The following CDKN1A variants were observed in gnomAD, a reference collection of about 807,000 sequenced individuals.
CDKN1A encodes the protein cyclin-dependent kinase inhibitor 1.
A neutral mutation model predicts 14.8 loss-of-function variants in CDKN1A; 14 were observed. That is an observed-to-expected ratio of 0.94 (90% CI 0.62 to 1.48). CDKN1A has a LOEUF of 1.48. Ranked by LOEUF, CDKN1A falls within the 40% of genes most tolerant of loss-of-function variation. The pLI is 0.00. For missense variants in CDKN1A, 203 were observed against 231.7 expected (o/e 0.88, Z 0.80); for synonymous variants, 92 against 93.5 (o/e 0.98, Z 0.09).
Position 36,679,991 on chromosome 6 carries a change from G to A in CDKN1A, c.-6+1193G>A, listed in dbSNP as rs554921943. 7.2e-5 allele frequency among the ~76,000 whole-genome samples: 11 copies of A among 152,280 alleles called. 1 individual carries two copies. In the South Asian group the frequency reaches 2.1e-3, roughly 29 times the overall value. ...AGGGCTGAGCGGAGCAGGGGGGCGA[G>A]TCGCCCCCTGGGGCGCCGCCGCCTG... On this transcript the variant is annotated intron_variant, in intron 1 of 2. Coordinates refer to ENST00000244741, the MANE Select transcript of CDKN1A (RefSeq NM_000389.5).
chr6:36,681,318 T>TTCTA (rs1224751108), intron 1 of CDKN1A, among the ~76,000 whole-genome samples: 14 of 129,462 alleles, frequency 1.1e-4, no homozygotes, highest in African/African-American at 3.4e-4. Context: ...CTTTCTTTCT[T>TTCTA]TCTTTCTTTC....
Position 36,685,834 on chromosome 6 carries a change from C to G in CDKN1A, c.*34C>G, listed in dbSNP as rs1482370511. On this transcript the variant is annotated 3_prime_UTR_variant, in exon 3 of 3. Transcript: ENST00000244741. ...CAGGAAGCCTGCAGTCCTGGAAGCGCGAGGGCCTCAAAGGCCCGCTCTACA... is the reference window on the plus strand; with the variant it reads ...CAGGAAGCCTGCAGTCCTGGAAGCGGGAGGGCCTCAAAGGCCCGCTCTACA... 6.2e-7 allele frequency: 1 copy of G among 1,600,400 alleles called. No homozygotes were observed. Among genetic ancestry groups the G allele is most frequent in the East Asian group, 2.2e-5 (1 of 44,788 alleles).
In CDKN1A at chr6:36,684,608, A is replaced by G. The variant is rs1762140585; in HGVS notation, c.445+62A>G. 2.0e-6 allele frequency: 3 copies of G among 1,498,614 alleles called. No homozygotes were observed. The highest frequency in any genetic ancestry group is 2.8e-6 in the Non-Finnish European group (3 of 1,080,406). The allele number at this position is 1,498,614 out of a possible 1,614,324, so 92.8% of individuals were successfully genotyped here. On this transcript the variant is annotated intron_variant, in intron 2 of 2. Transcript: ENST00000244741. This position sits in a 1 kb window ranked among gnomAD's most constrained non-coding sequence, Gnocchi z 6.0. ...CAGGATTCTCAGAATCCATGGTCCA[A>G]GGGCTGACCTGTCTGGTCCTGGTCC...
intron 1 of CDKN1A, among the ~76,000 whole-genome samples, chr6:36,681,681 C>T (rs945167318): frequency 5.3e-5 from 8 of 150,336 alleles, no homozygotes; most frequent in African/African-American, 2.0e-4. Context: ...CAAGCTCCGC[C>T]TCCCGGGTTC....
chr6:36,679,731 T>A (rs1469036839), intron 1 of CDKN1A, among the ~76,000 whole-genome samples: 1 of 151,768 alleles, frequency 6.6e-6, no homozygotes, highest in Non-Finnish European at 1.5e-5. Flanking sequence ...AGGGCAAGGG[T>A]CTCCTCTACC....
intron 2 of CDKN1A, among the ~76,000 whole-genome samples, chr6:36,685,343 G>A (rs1044442315): frequency 2.6e-5 from 4 of 152,354 alleles, no homozygotes; most frequent in East Asian, 1.9e-4. Context: ...TAACTCTGCA[G>A]GGATGGGAGT....
chr6:36,678,904 G>C lies in CDKN1A; in HGVS notation c.-6+106G>C, dbSNP rs913116846. The C allele has an allele frequency of 8.1e-6, 8 of 985,828 alleles. No individual in the cohort carries two copies. The African/African-American group carries it at 1.4e-4, about 17-fold the overall frequency. 61.1% of individuals were successfully genotyped at this position (985,828 alleles called of 1,614,324 possible). ...CGTGTCCGCGAGGATGCGTGTTCGC[G>C]GGTGTGTGCTGCGTTCACAGGTGTT... On this transcript the variant is annotated intron_variant, in intron 1 of 2. Transcript: ENST00000244741. The surrounding 1 kb of genome is among the most constrained non-coding windows in gnomAD (Gnocchi z 5.7).
intron 1 of CDKN1A, chr6:36,682,799 G>T (rs1310056171): frequency 7.2e-5 from 11 of 152,254 alleles, no homozygotes; most frequent in African/African-American, 2.2e-4. Flanking sequence ...GGGAGGAGAG[G>T]AGCCAGGTAG....
Position 36,686,151 on chromosome 6 carries a change from G to A in CDKN1A, c.*351G>A, listed in dbSNP as rs1407714364. On this transcript the variant is annotated 3_prime_UTR_variant, in exon 3 of 3. Coordinates refer to ENST00000244741, the MANE Select transcript of CDKN1A (RefSeq NM_000389.5). This position sits in a 1 kb window ranked among gnomAD's most constrained non-coding sequence, Gnocchi z 4.9. ...CCTCCTCCCCACTTGTCCGCTGGGTGGTACCCTCTGGAGGGGTGTGGCTCC... is the reference window on the plus strand; with the variant it reads ...CCTCCTCCCCACTTGTCCGCTGGGTAGTACCCTCTGGAGGGGTGTGGCTCC... 2 of 453,728 alleles carry A rather than the reference G, an allele frequency of 4.4e-6. No homozygotes were observed. The highest frequency in any genetic ancestry group is 7.3e-5 in the Admixed American group (2 of 27,364). The allele number at this position is 453,728 out of a possible 1,614,324, so 28.1% of individuals were successfully genotyped here. A position where few individuals can be genotyped will look rare whatever the true frequency, so the allele number is the denominator to read the frequency against.
At chr6:36,683,461 C>A (rs1762083776) in intron 1 of CDKN1A, among the ~76,000 whole-genome samples, 1 of 152,194 alleles carries the variant, frequency 6.6e-6, no homozygotes, top group Non-Finnish European at 1.5e-5. Flanking sequence ...TTGTACATGG[C>A]CCCATTTATG....
intron 1 of CDKN1A, among the ~76,000 whole-genome samples, chr6:36,680,265 G>A (rs951327940): frequency 8.6e-5 from 13 of 151,798 alleles, no homozygotes; most frequent in Non-Finnish European, 1.8e-4. Context: ...TAAGGTGGAG[G>A]GGCCGGCTCC....
chr6:36,680,054 TG>T (rs1279063660), intron 1 of CDKN1A, among the ~76,000 whole-genome samples: 1 of 152,110 alleles, frequency 6.6e-6, no homozygotes, highest in Non-Finnish European at 1.5e-5. Flanking sequence ...CCCAAACCCC[TG>T]GGGGACACTT....
chr6:36,677,473 A>G (rs1656794785), upstream of CDKN1A: 1 of 195,548 alleles, frequency 5.1e-6, no homozygotes, highest in South Asian at 1.0e-4. Flanking sequence ...GCAATTTTTT[A>G]AAAGCAAAAC....
chr6:36,680,340 G>GTCTGTGTC (rs59807512), intron 1 of CDKN1A: 2 of 148,126 alleles, frequency 1.4e-5, no homozygotes, highest in Non-Finnish European at 3.0e-5. Context: ...GTGTGTGTGT[G>GTCTGTGTC]TGTGTCTGTG....
At position 36,684,390 on chromosome 6, in the gene CDKN1A, A is replaced by G. The variant is rs368592299; in HGVS notation, c.289A>G (p.Thr97Ala). Reference protein sequence around the residue: ...DELGGGRRPGTSPALLQGTAE... With the variant: ...DELGGGRRPGASPALLQGTAE... ...GTTGGGAGGAGGCAGGCGGCCTGGC[A>G]CCTCACCTGCTCTGCTGCAGGGGAC... Residue 97 changes from threonine to alanine, a missense_variant, in exon 2 of 3, where the codon ACC becomes GCC. Thr to Ala is a moderately conservative substitution (Grantham distance 58, BLOSUM62 0). Coordinates refer to ENST00000244741, the MANE Select transcript of CDKN1A (RefSeq NM_000389.5). The surrounding 1 kb of genome is among the most constrained non-coding windows in gnomAD (Gnocchi z 6.0). 2 of 1,613,082 alleles carry G rather than the reference A, an allele frequency of 1.2e-6. No homozygotes were observed. Among genetic ancestry groups the G allele is most frequent in the African/African-American group, 2.7e-5 (2 of 74,884 alleles).
upstream of CDKN1A, chr6:36,678,480 G>A (rs796690693): frequency 6.1e-6 from 1 of 164,044 alleles, no homozygotes; most frequent in Non-Finnish European, 1.3e-5. The surrounding 1 kb of genome is among the most constrained non-coding windows in gnomAD (Gnocchi z 5.7). Context: ...CACCAACGCA[G>A]GCGAGGGACT....
chr6:36,683,575 C>G (rs372857494), intron 1 of CDKN1A, among the ~76,000 whole-genome samples: 3 of 152,180 alleles, frequency 2.0e-5, no homozygotes, highest in African/African-American at 7.2e-5. Context: ...CCCAAAGTCC[C>G]GGGTACTTTT....
intron 1 of CDKN1A, among the ~76,000 whole-genome samples, chr6:36,679,788 G>C (rs1761843319): frequency 6.6e-6 from 1 of 151,966 alleles, no homozygotes; most frequent in Non-Finnish European, 1.5e-5. Flanking sequence ...CTGTCCTCGG[G>C]TCGGGGCGCT....
intron 1 of CDKN1A, among the ~76,000 whole-genome samples, chr6:36,681,381 C>CTTTTTCTTTCT (rs1433169736): frequency 5.6e-5 from 4 of 71,978 alleles, no homozygotes; most frequent in African/African-American, 2.3e-4. Flanking sequence ...TTCTTTCTTT[C>CTTTTTCTTTCT]TTTCTTTCTT....
Sources: allele counts gnomAD v4.1 joint callset (sites outside exome capture counted in the v4.1 genomes callset), GRCh38; gene constraint gnomAD v4.1.1; non-coding constraint Gnocchi (gnomAD v3.1); transcripts MANE v1.5; gene names NCBI Gene and HGNC (gene_info 2026-07-23, HGNC 2026-07-21).